The following SERINC5 variants were observed in gnomAD, a reference collection of about 807,000 sequenced individuals.
The protein encoded by SERINC5 is chromosome 5 open reading frame 12.
A neutral mutation model predicts 63.1 loss-of-function variants in SERINC5; 41 were observed. The observed-to-expected ratio is 0.65, with a 90% CI of 0.51 to 0.84. The LOEUF is 0.84. Among genes scored for constraint, SERINC5 ranks in the 40% least tolerant of loss-of-function variants. The pLI is 0.00. For synonymous variants in SERINC5, 222 were observed against 215.2 expected (o/e 1.03, Z -0.28); for missense variants, 523 against 573.0 (o/e 0.91, Z 0.89).
downstream of SERINC5, among the ~76,000 whole-genome samples, chr5:80,137,139 C>CAAAAAAAA (rs869035894): frequency 8.7e-4 from 59 of 67,686 alleles, no homozygotes; most frequent in Non-Finnish European, 1.1e-3. Context: ...GACCCTGTCT[C>CAAAAAAAA]AAAAAAAAAA....
intron 1 of SERINC5, among the ~76,000 whole-genome samples, chr5:80,219,920 A>G (rs139309703): frequency 7.2e-4 from 110 of 152,232 alleles, no homozygotes; most frequent in African/African-American, 2.5e-3. Flanking sequence ...GATAGAAGCA[A>G]GTCACAGGCC....
At chr5:80,210,960 G>C (rs1054751104) in intron 1 of SERINC5, among the ~76,000 whole-genome samples, 1 of 152,208 alleles carries the variant, frequency 6.6e-6, no homozygotes, top group African/African-American at 2.4e-5. Flanking sequence ...AGCAGGGAAA[G>C]TGCAATGATC....
At chr5:80,197,308 T>TGAGAGA (rs34195156) in intron 2 of SERINC5, among the ~76,000 whole-genome samples, 346 of 136,886 alleles carry the variant, frequency 2.5e-3, no homozygotes, top group African/African-American at 3.4e-3. Context: ...ACTCCATCTG[T>TGAGAGA]GAGAGAGAGA....
intron 2 of SERINC5, among the ~76,000 whole-genome samples, chr5:80,185,001 C>A (rs1351686227): frequency 2.0e-5 from 3 of 152,098 alleles, no homozygotes; most frequent in Non-Finnish European, 4.4e-5. Context: ...CTCAGCCTCC[C>A]AAGTAGCTGG....
intron 2 of SERINC5, among the ~76,000 whole-genome samples, chr5:80,195,063 G>T (rs1038408889): frequency 1.2e-4 from 18 of 152,102 alleles, no homozygotes; most frequent in African/African-American, 4.1e-4. Flanking sequence ...GAGGCAGGTG[G>T]ATCACCTGAG....
chr5:80,202,822 T>C, intron 2 of SERINC5, 64 bp downstream of exon 2: 1 of 1,506,348 alleles, frequency 6.6e-7, no homozygotes, highest in Non-Finnish European at 9.1e-7. Flanking sequence ...TTCTAAATCA[T>C]GTTTTTCCCA....
At chr5:80,122,959 T>C (rs968809720) in intron 11 of SERINC5, among the ~76,000 whole-genome samples, 5 of 152,266 alleles carry the variant, frequency 3.3e-5, no homozygotes, top group Admixed American at 2.6e-4. Flanking sequence ...CCCTGTGCTA[T>C]TCCTGAGCAT....
At chr5:80,183,509 T>C (rs1748590124) in intron 2 of SERINC5, among the ~76,000 whole-genome samples, 1 of 152,128 alleles carries the variant, frequency 6.6e-6, no homozygotes, top group South Asian at 2.1e-4. Context: ...GTATCCCCTG[T>C]GACTTGCACG....
intron 1 of SERINC5, among the ~76,000 whole-genome samples, chr5:80,217,642 G>A (rs1036344092): frequency 6.6e-6 from 1 of 152,132 alleles, no homozygotes; most frequent in Non-Finnish European, 1.5e-5. Flanking sequence ...CAAAAATGCA[G>A]TTCTATATTC....
chr5:80,147,079 A>G (rs895429281), intron 10 of SERINC5, among the ~76,000 whole-genome samples, 166 bp downstream of exon 10: 2 of 152,222 alleles, frequency 1.3e-5, no homozygotes, highest in Admixed American at 6.5e-5. Context: ...AAACTCAGCT[A>G]TCCTTCAGGA....
At chr5:80,230,758 C>A (rs1386716920) in intron 1 of SERINC5, among the ~76,000 whole-genome samples, 18 of 151,940 alleles carry the variant, frequency 1.2e-4, no homozygotes, top group South Asian at 2.1e-4. Flanking sequence ...AGCACAGGGT[C>A]CAAACCCAGG....
intron 1 of SERINC5, among the ~76,000 whole-genome samples, chr5:80,231,911 G>A (rs1479587201): frequency 6.6e-6 from 1 of 151,550 alleles, no homozygotes; most frequent in Non-Finnish European, 1.5e-5. Flanking sequence ...GACCAGCCTG[G>A]GCAACATAGT....
downstream of SERINC5, among the ~76,000 whole-genome samples, chr5:80,135,223 G>A (rs1039198000): frequency 5.3e-5 from 8 of 152,074 alleles, no homozygotes; most frequent in Non-Finnish European, 7.4e-5. Context: ...TTGTAGAGAC[G>A]GGGTTTCACC....
intron 1 of SERINC5, among the ~76,000 whole-genome samples, chr5:80,210,639 A>G (rs1750390958): frequency 6.6e-6 from 1 of 152,216 alleles, no homozygotes; most frequent in East Asian, 1.9e-4. Flanking sequence ...CACACAACAC[A>G]TGTACCTTAA....
intron 1 of SERINC5, among the ~76,000 whole-genome samples, chr5:80,254,569 G>T (rs989791395): frequency 6.6e-6 from 1 of 152,158 alleles, no homozygotes; most frequent in Admixed American, 6.5e-5. Context: ...AAAAAGTGTC[G>T]CATCATATTG....
intron 2 of SERINC5, among the ~76,000 whole-genome samples, chr5:80,186,261 C>T (rs763500919): frequency 2.6e-5 from 4 of 151,900 alleles, no homozygotes; most frequent in Non-Finnish European, 4.4e-5. Context: ...CTCAGCCTCC[C>T]GAGTAGCTGG....
At chr5:80,177,647 G>A (rs1016850974) in intron 3 of SERINC5, among the ~76,000 whole-genome samples, 42 of 152,134 alleles carry the variant, frequency 2.8e-4, no homozygotes, top group African/African-American at 1.0e-3. Flanking sequence ...GGAAGGTCTT[G>A]GAACAAGAAA....
chr5:80,200,259 C>T (rs1349230397), intron 2 of SERINC5, among the ~76,000 whole-genome samples: 10 of 150,744 alleles, frequency 6.6e-5, no homozygotes, highest in Non-Finnish European at 1.5e-4. Context: ...AGGCGGATCA[C>T]GAGGTCAGGA....
At chr5:80,222,240 C>T (rs980255575) in intron 1 of SERINC5, among the ~76,000 whole-genome samples, 7 of 152,048 alleles carry the variant, frequency 4.6e-5, no homozygotes, top group African/African-American at 7.2e-5. Flanking sequence ...ACACAGAGGA[C>T]GCAGGGGAAA....
Sources: gnomAD v4.1 joint callset for allele counts (sites outside exome capture counted in the v4.1 genomes callset) on GRCh38, gnomAD v4.1.1 for gene constraint, MANE v1.5 for transcripts, NCBI Gene and HGNC (gene_info 2026-07-23, HGNC 2026-07-21) for gene names.